COLQ: variants seen among roughly 807,000 people sequenced by gnomAD.
COLQ encodes the protein collagen like tail subunit of asymmetric acetylcholinesterase.
COLQ carries 48 observed loss-of-function variants against 69.0 expected under a neutral mutation model. The ratio of observed to expected loss-of-function variants is 0.70; its 90% CI spans 0.55 to 0.88. The LOEUF is 0.88. Ranked by LOEUF, COLQ falls within the 40% of genes least tolerant of loss-of-function variation. The pLI, the probability that COLQ is intolerant of heterozygous loss-of-function variation, is 0.00. For missense variants in COLQ, 618 were observed against 594.6 expected, an observed-to-expected ratio of 1.04 and a Z score of -0.41; for synonymous variants, 217 against 211.2, an observed-to-expected ratio of 1.03 and a Z score of -0.24.
chr3:15,505,642 C>T (rs185212398), intron 1 of COLQ, among the ~76,000 whole-genome samples: 107 of 152,348 alleles, frequency 7.0e-4, no homozygotes, highest in African/African-American at 2.6e-3. Context: ...CAGCAGCCAA[C>T]ATAAATCAGC....
At chr3:15,515,763 G>A (rs2063052960) in intron 1 of COLQ, among the ~76,000 whole-genome samples, 1 of 152,146 alleles carries the variant, frequency 6.6e-6, no homozygotes, top group Non-Finnish European at 1.5e-5. Flanking sequence ...CTGAGATCGT[G>A]CCACTGCACT....
chr3:15,467,804 G>A (rs1237123904), intron 11 of COLQ: 1 of 453,186 alleles, frequency 2.2e-6, no homozygotes. Flanking sequence ...CTGGGGAGCA[G>A]GCAGGCTTGG....
intron 12 of COLQ, among the ~76,000 whole-genome samples, chr3:15,461,421 T>TA (rs942811049): frequency 1.3e-5 from 2 of 152,124 alleles, no homozygotes; most frequent in Non-Finnish European, 2.9e-5. Flanking sequence ...TGCCAGGCTA[T>TA]ACTAAAGGAC....
At chr3:15,464,630 A>G (rs1398917039) in intron 12 of COLQ, among the ~76,000 whole-genome samples, 7 of 152,222 alleles carry the variant, frequency 4.6e-5, no homozygotes, top group Admixed American at 2.0e-4. Context: ...TGTGGTTGCA[A>G]ATATAGTTCC....
chr3:15,466,547 TG>T (rs2062203704), intron 11 of COLQ, 110 bp from the exon 12 acceptor site: 1 of 866,212 alleles, frequency 1.2e-6, no homozygotes. Context: ...AAGAGCCCAG[TG>T]GGGGATGCAG....
chr3:15,498,484 C>CACAT (rs749425527), intron 1 of COLQ: 4 of 1,545,502 alleles, frequency 2.6e-6, no homozygotes, highest in Non-Finnish European at 3.5e-6. Flanking sequence ...CACACACACA[C>CACAT]ACGTGCACAC....
intron 1 of COLQ, among the ~76,000 whole-genome samples, chr3:15,499,106 G>A (rs554943360): frequency 6.7e-6 from 1 of 150,142 alleles, no homozygotes; most frequent in East Asian, 2.0e-4. Context: ...CTCTAATCCT[G>A]TCTGGGCCAA....
At chr3:15,492,692 A>G (rs2739046) in intron 1 of COLQ, among the ~76,000 whole-genome samples, 14,748 of 151,994 alleles carry the variant, frequency 0.097, 976 homozygotes, top group East Asian at 0.33. Flanking sequence ...GCTGTGTAAA[A>G]GAGAATTCAG....
intron 5 of COLQ, among the ~76,000 whole-genome samples, chr3:15,478,219 T>A (rs918837767): frequency 3.9e-5 from 6 of 152,266 alleles, no homozygotes; most frequent in Non-Finnish European, 8.8e-5. Context: ...ACAGCCACTG[T>A]GCCTTGGCTA....
chr3:15,505,909 C>T (rs926501993), intron 1 of COLQ, among the ~76,000 whole-genome samples: 3 of 152,194 alleles, frequency 2.0e-5, no homozygotes, highest in Non-Finnish European at 4.4e-5. Context: ...CCACCTGGCT[C>T]ACTTATTCCT....
chr3:15,468,174 T>C (rs2062228471), intron 11 of COLQ, among the ~76,000 whole-genome samples: 1 of 152,160 alleles, frequency 6.6e-6, no homozygotes, highest in African/African-American at 2.4e-5. Flanking sequence ...AATGGAATAT[T>C]CCGCTTATCG....
At chr3:15,508,966 C>T (rs1192255443) in intron 1 of COLQ, among the ~76,000 whole-genome samples, 1 of 151,994 alleles carries the variant, frequency 6.6e-6, no homozygotes, top group African/African-American at 2.4e-5. Context: ...GCCTGGGCAA[C>T]ATAGCTAGAC....
intron 1 of COLQ, among the ~76,000 whole-genome samples, chr3:15,519,848 A>T (rs984438729): frequency 6.6e-6 from 1 of 152,244 alleles, no homozygotes; most frequent in South Asian, 2.1e-4. Flanking sequence ...ATACAAAATG[A>T]TGGTAAACCC....
intron 13 of COLQ, 96 bp downstream of exon 13, chr3:15,458,090 A>G: frequency 1.4e-6 from 2 of 1,418,388 alleles, no homozygotes; most frequent in Non-Finnish European, 2.0e-6. Flanking sequence ...CGTGAAAAAA[A>G]GTTAGTTTTA....
chr3:15,466,600 C>A (rs745394549), intron 11 of COLQ, among the ~76,000 whole-genome samples, 163 bp from the exon 12 acceptor site: 57 of 152,346 alleles, frequency 3.7e-4, no homozygotes, highest in Non-Finnish European at 6.8e-4. Flanking sequence ...AAGCTTAGGG[C>A]AAGTGACATT....
rs558496070 is a variant in COLQ at position 15,521,701 on chromosome 3, C to T, written c.-76G>A. 184 of 1,595,458 alleles carry T rather than the reference C, an allele frequency of 1.2e-4. 1 individual carries two copies. Among genetic ancestry groups the T allele is most frequent in the Admixed American group, 9.9e-4 (57 of 57,350 alleles). ...CCTTGCTTATCTCTGCTTTTCTCTTCCTCACTGCTGTTTGCGTGCGCGTGT... is the reference window on the plus strand; with the variant it reads ...CCTTGCTTATCTCTGCTTTTCTCTTTCTCACTGCTGTTTGCGTGCGCGTGT... On this transcript the variant is annotated 5_prime_UTR_variant, in exon 1 of 17. Coordinates refer to ENST00000383788, the MANE Select transcript of COLQ (RefSeq NM_005677.4).
intron 5 of COLQ, among the ~76,000 whole-genome samples, chr3:15,478,271 CA>C (rs1358896544): frequency 2.0e-5 from 3 of 152,170 alleles, no homozygotes; most frequent in Non-Finnish European, 4.4e-5. Context: ...CTTTGTCTTG[CA>C]AAAGTCTGTT....
intron 12 of COLQ, among the ~76,000 whole-genome samples, chr3:15,461,877 T>A (rs1369799237): frequency 6.6e-6 from 1 of 151,878 alleles, no homozygotes; most frequent in Non-Finnish European, 1.5e-5. Context: ...ATACAGTTTT[T>A]TCCCCCCCGA....
At chr3:15,507,524 A>T (rs918080725) in intron 1 of COLQ, among the ~76,000 whole-genome samples, 3 of 152,088 alleles carry the variant, frequency 2.0e-5, no homozygotes, top group African/African-American at 7.2e-5. Context: ...GTGCAATCAC[A>T]GTTCACTGCA....
Sources: allele counts gnomAD v4.1 joint callset (sites outside exome capture counted in the v4.1 genomes callset), GRCh38; gene constraint gnomAD v4.1.1; transcripts MANE v1.5; gene names NCBI Gene and HGNC (gene_info 2026-07-23, HGNC 2026-07-21).